Variants in DBN1 observed in about 807,000 individuals in gnomAD.
The protein encoded by DBN1 is drebrin.
DBN1 carries 21 observed loss-of-function variants against 83.5 expected under a neutral mutation model. That is an observed-to-expected ratio of 0.25 (90% CI 0.18 to 0.36). The LOEUF (loss-of-function observed/expected upper bound fraction) is 0.36, where lower values mean the gene tolerates loss of function less well. Ranked by LOEUF, DBN1 falls within the 10% of genes least tolerant of loss-of-function variation. The pLI, the probability that DBN1 is intolerant of heterozygous loss-of-function variation, is 1.00. For missense variants in DBN1, 874 were observed against 935.7 expected (o/e 0.93, Z 0.86); for synonymous variants, 381 against 384.9 (o/e 0.99, Z 0.12).
At position 177,460,442 on chromosome 5, in the gene DBN1, G is replaced by A. The variant is rs747808534; in HGVS notation, c.945C>T (p.Asn315=). 6.2e-7 allele frequency: 1 copy of A among 1,613,912 alleles called. No homozygotes were observed. The highest frequency in any genetic ancestry group is 2.2e-5 in the East Asian group (1 of 44,892). The change falls in exon 10 of 15, where the codon AAC becomes AAT. Residue 315 remains asparagine, a synonymous_variant. Coordinates refer to ENST00000393565, the MANE Select transcript of DBN1 (RefSeq NM_001363541.2). The stretch of plus-strand genomic sequence containing the variant: ...GGGGCCTAGGACTACCTGGTCGATG[G>A]TTGAAGGGCGAGGGTACATCACAGC... The part of the protein sequence containing the change: ...AGSCDVPSPF[N]HRPGRPYCPF...
Position 177,457,573 on chromosome 5 carries a change from G to A in DBN1, c.2018-70C>T, listed in dbSNP as rs1756606090. 7 of 1,541,354 alleles carry A rather than the reference G, an allele frequency of 4.5e-6. No homozygotes were observed. In the East Asian group the frequency reaches 1.6e-4, roughly 35 times the overall value. On this transcript the variant is annotated intron_variant, in intron 14 of 14. Coordinates refer to ENST00000393565, the MANE Select transcript of DBN1 (RefSeq NM_001363541.2). ...CTTGTGTCCCCAGCCTCTGTGAGCG[G>A]TGGGTAGTGGTGGGGTGGCTACCCA...
In DBN1 at chr5:177,467,845, C is replaced by A; in HGVS notation, c.256-28G>T. On this transcript the variant is annotated intron_variant, in intron 3 of 14. Transcript: ENST00000393565. This position sits in a 1 kb window ranked among gnomAD's most constrained non-coding sequence, Gnocchi z 9.1. ...GCAAAGTACCCAGCAAAGAGGGGGT[C>A]AGGAAAGGACAAGGGGGGCCCTACA... 1 of 1,576,856 alleles carries A rather than the reference C, an allele frequency of 6.3e-7. No individual in the cohort carries two copies. The highest frequency in any genetic ancestry group is 1.1e-5 in the South Asian group (1 of 87,562).
chr5:177,457,069 C>A lies in DBN1; in HGVS notation c.*364G>T. The A allele has an allele frequency of 3.6e-6, 1 of 280,026 alleles. No homozygotes were observed. The highest frequency in any genetic ancestry group is 6.8e-6 in the Non-Finnish European group (1 of 147,220). The allele number at this position is 280,026 out of a possible 1,614,324, so 17.3% of individuals were successfully genotyped here. On this transcript the variant is annotated 3_prime_UTR_variant, in exon 15 of 15. Transcript: ENST00000393565. ...AAAGAGGTGGGGGACATTTTCCCAC[C>A]AGAGCTCCCCCCACGCCAGGCCCCA...
intron 13 of DBN1, 116 bp downstream of exon 13, chr5:177,457,942 A>G (rs1756668136): frequency 6.7e-7 from 1 of 1,482,238 alleles, no homozygotes; most frequent in Non-Finnish European, 9.4e-7. Flanking sequence ...ACTTCCCCTC[A>G]AATAATGTGG....
intron 8 of DBN1, among the ~76,000 whole-genome samples, chr5:177,464,099 G>C (rs927207835): frequency 6.8e-6 from 1 of 147,168 alleles, no homozygotes; most frequent in Non-Finnish European, 1.5e-5. Context: ...TGGGGGACAA[G>C]AGTGAGACTT....
At chr5:177,473,276 C>A in intron 1 of DBN1, 160 bp downstream of exon 1, 1 of 356,070 alleles carries the variant, frequency 2.8e-6, no homozygotes, top group Non-Finnish European at 4.8e-6. Flanking sequence ...GGCCCCTCCC[C>A]CGGCGCGCAC....
intron 8 of DBN1, among the ~76,000 whole-genome samples, chr5:177,461,911 G>T (rs1301899543): frequency 6.6e-6 from 1 of 152,144 alleles, no homozygotes; most frequent in Non-Finnish European, 1.5e-5. Context: ...ATGTTCATTA[G>T]TTACCACCAC....
chr5:177,472,293 G>C, intron 1 of DBN1: 1 of 1,584,842 alleles, frequency 6.3e-7, no homozygotes, highest in Non-Finnish European at 8.6e-7. Flanking sequence ...AGCCCAAGCG[G>C]GGTCCCTCAG....
intron 8 of DBN1, chr5:177,462,164 T>G: frequency 6.9e-6 from 5 of 727,526 alleles, no homozygotes; most frequent in Non-Finnish European, 8.1e-6. Context: ...CCCCCACCCC[T>G]GCCTGACCTA....
intron 1 of DBN1, chr5:177,471,967 C>G (rs753813337): frequency 1.5e-5 from 11 of 750,058 alleles, no homozygotes; most frequent in Non-Finnish European, 2.2e-5. Context: ...TCTCCCCAGG[C>G]GGGGCCTTAT....
intron 8 of DBN1, 65 bp from the exon 9 acceptor site, chr5:177,460,768 T>A: frequency 2.0e-6 from 3 of 1,502,992 alleles, no homozygotes; most frequent in Non-Finnish European, 2.7e-6. Flanking sequence ...CCTTCTTTTT[T>A]ACTGTATTTT....
At position 177,466,369 on chromosome 5, in the gene DBN1, G is replaced by A. The variant is rs1757440525; in HGVS notation, c.771+403C>T. ...CTCCCAGGGAGATGCTGCTCCCAAGGAGATGGTACACACTGCCTGCAGATG... is the reference window on the plus strand; with the variant it reads ...CTCCCAGGGAGATGCTGCTCCCAAGAAGATGGTACACACTGCCTGCAGATG... On this transcript the variant is annotated intron_variant, in intron 8 of 14. Coordinates refer to ENST00000393565, the MANE Select transcript of DBN1 (RefSeq NM_001363541.2). This position sits in a 1 kb window ranked among gnomAD's most constrained non-coding sequence, Gnocchi z 4.8. 6.6e-6 allele frequency among the ~76,000 whole-genome samples: 1 copy of A among 152,194 alleles called. No homozygotes were observed.
chr5:177,464,902 C>T (rs967104332), intron 8 of DBN1, among the ~76,000 whole-genome samples: 3 of 150,342 alleles, frequency 2.0e-5, no homozygotes, highest in South Asian at 2.1e-4. Context: ...CGCCTGTAAT[C>T]CCAGCACTTT....
chr5:177,469,993 G>A (rs937533786), intron 1 of DBN1, among the ~76,000 whole-genome samples: 1 of 152,236 alleles, frequency 6.6e-6, no homozygotes, highest in African/African-American at 2.4e-5. Context: ...GAGAAACCAG[G>A]AGAGGAGGAA....
At chr5:177,470,285 G>A (rs1196832987) in intron 1 of DBN1, among the ~76,000 whole-genome samples, 3 of 152,194 alleles carry the variant, frequency 2.0e-5, no homozygotes, top group African/African-American at 7.2e-5. Flanking sequence ...AAGGGCCCTG[G>A]GAGAAGCAGG....
rs755006627 is a variant in DBN1, at chr5:177,466,821, G to C, written c.722C>G (p.Thr241Ser). The C allele has an allele frequency of 3.7e-6, 6 of 1,614,122 alleles. No individual in the cohort carries two copies. Among genetic ancestry groups the C allele is most frequent in the Non-Finnish European group, 4.2e-6 (5 of 1,180,008 alleles). Residue 241 changes from threonine to serine, a missense_variant, in exon 8 of 15, where the codon ACT becomes AGT. Thr to Ser is a moderately conservative substitution (Grantham distance 58, BLOSUM62 1). Around this residue, in one of 4 missense-constraint regions of DBN1, gnomAD observed 725 missense variants for 719.7 expected, o/e 1.01. Coordinates refer to ENST00000393565, the MANE Select transcript of DBN1 (RefSeq NM_001363541.2). This position sits in a 1 kb window ranked among gnomAD's most constrained non-coding sequence, Gnocchi z 4.8. ...CCTCTTGGCCTCTTCCGCTTCTAAA[G>C]TCTGCTGTTTCCTCCTGGAACGATA... ...QIEEHRRKQQTLEAEEAKRRL... is the reference protein window; with the variant it reads ...QIEEHRRKQQSLEAEEAKRRL...
intron 1 of DBN1, among the ~76,000 whole-genome samples, chr5:177,471,732 G>A (rs1368036826): frequency 6.6e-6 from 1 of 152,202 alleles, no homozygotes; most frequent in African/African-American, 2.4e-5. Flanking sequence ...ACACAACCCA[G>A]ATGGGGGCTG....
At chr5:177,464,115 T>C (rs890311632) in intron 8 of DBN1, among the ~76,000 whole-genome samples, 1 of 146,926 alleles carries the variant, frequency 6.8e-6, no homozygotes, top group Non-Finnish European at 1.5e-5. Flanking sequence ...GACTTCATCT[T>C]AAAAAAGATA....
intron 8 of DBN1, chr5:177,462,190 A>C (rs1360417708): frequency 1.8e-5 from 18 of 982,274 alleles, no homozygotes; most frequent in South Asian, 4.7e-5. Context: ...CACCTCTCCA[A>C]CACCACCCCC....
Sources: allele counts gnomAD v4.1 joint callset (sites outside exome capture counted in the v4.1 genomes callset), GRCh38; gene constraint gnomAD v4.1.1; regional missense constraint gnomAD v4.1.1; non-coding constraint Gnocchi (gnomAD v3.1); transcripts MANE v1.5; gene names NCBI Gene and HGNC (gene_info 2026-07-23, HGNC 2026-07-21).